Variants in PEX2 observed in about 807,000 individuals in gnomAD.
PEX2 encodes the protein peroxisome biogenesis factor 2.
PEX2 carries 19 observed loss-of-function variants against 25.2 expected under a neutral mutation model. That is an observed-to-expected ratio of 0.75 (90% CI 0.53 to 1.10). The LOEUF (loss-of-function observed/expected upper bound fraction) is 1.10. PEX2 is among the 50% of genes least tolerant of loss of function. The pLI, the probability that PEX2 is intolerant of heterozygous loss-of-function variation, is 0.00. For missense variants in PEX2, 347 were observed against 350.6 expected, an observed-to-expected ratio of 0.99 and a Z score of 0.08; for synonymous variants, 141 against 127.7, an observed-to-expected ratio of 1.10 and a Z score of -0.70.
intron 2 of PEX2, among the ~76,000 whole-genome samples, chr8:76,987,657 T>C (rs1416410423): frequency 6.6e-6 from 1 of 152,108 alleles, no homozygotes; most frequent in Non-Finnish European, 1.5e-5. Context: ...GTTGTTAAAA[T>C]GATCTAGTGA....
In PEX2 at chr8:76,980,898, A is replaced by C. The variant is rs1483662390; in HGVS notation, c.*2363T>G. ...GATGTGGCACATTGCCCTAGGTTAT[A>C]CACAAGTGGGATTTGAATTCTAGCG... On this transcript the variant is annotated 3_prime_UTR_variant, in exon 4 of 4. Coordinates refer to ENST00000357039, the MANE Select transcript of PEX2 (RefSeq NM_000318.3). The C allele has an allele frequency of 1.3e-5, 2 of 152,210 alleles. No homozygotes were observed. Among genetic ancestry groups the C allele is most frequent in the Non-Finnish European group, 2.9e-5 (2 of 68,046 alleles). The allele number at this position is 152,210 out of a possible 1,614,324, so 9.4% of individuals were successfully genotyped here.
chr8:76,983,050 G>C lies in PEX2; in HGVS notation c.*211C>G. The C allele has an allele frequency of 3.8e-6, 5 of 1,320,722 alleles. No homozygotes were observed. The highest frequency in any genetic ancestry group is 5.0e-6 in the Non-Finnish European group (5 of 1,007,950). The allele number at this position is 1,320,722 out of a possible 1,614,324, so 81.8% of individuals were successfully genotyped here. A position where few individuals can be genotyped will look rare whatever the true frequency, so the allele number is the denominator to read the frequency against. On this transcript the variant is annotated 3_prime_UTR_variant, in exon 4 of 4. Coordinates refer to ENST00000357039, the MANE Select transcript of PEX2 (RefSeq NM_000318.3). ...CTTGACATTAAAAATTGAATGCAAT[G>C]ATTTAAAAAACATAATACATTAACA...
At chr8:76,996,703 T>A (rs908491012) in intron 1 of PEX2, among the ~76,000 whole-genome samples, 1 of 152,000 alleles carries the variant, frequency 6.6e-6, no homozygotes, top group Non-Finnish European at 1.5e-5. Context: ...CACGGAAATA[T>A]CCCCAAAGGA....
chr8:76,985,161 A>T (rs1806967512), intron 3 of PEX2, among the ~76,000 whole-genome samples: 3 of 108,852 alleles, frequency 2.8e-5, no homozygotes, highest in African/African-American at 1.1e-4. Flanking sequence ...ATTAACTGGC[A>T]AATCCACCCA....
At chr8:76,999,758 GTGTT>G (rs1478558193) in intron 1 of PEX2, 1 of 449,348 alleles carries the variant, frequency 2.2e-6, no homozygotes, top group East Asian at 7.0e-5. Flanking sequence ...AGCTGTGTGT[GTGTT>G]TATTTTTAAT....
rs1294787664 is a variant in PEX2, at chr8:76,980,701, C to T, written c.*2560G>A. On this transcript the variant is annotated 3_prime_UTR_variant, in exon 4 of 4. Coordinates refer to ENST00000357039, the MANE Select transcript of PEX2 (RefSeq NM_000318.3). ...ATCAGAAAGCTAGCAGATTATAAGC[C>T]TTGAGCTTCTAGCGGCCATCATTCT... The T allele has an allele frequency of 6.6e-6, 1 of 152,164 alleles. No individual in the cohort carries two copies. The highest frequency in any genetic ancestry group is 2.4e-5 in the African/African-American group (1 of 41,448). The allele number at this position is 152,164 out of a possible 1,614,324, so 9.4% of individuals were successfully genotyped here. A position where few individuals can be genotyped will look rare whatever the true frequency, so the allele number is the denominator to read the frequency against.
rs1806787148 is a variant in PEX2, at chr8:76,980,543, AG to A, written c.*2717del. 1 of 152,256 alleles carries A rather than the reference AG, an allele frequency of 6.6e-6. No individual in the cohort carries two copies. The highest frequency in any genetic ancestry group is 6.5e-5 in the Admixed American group (1 of 15,288). The allele number at this position is 152,256 out of a possible 1,614,324, so 9.4% of individuals were successfully genotyped here. ...GAGCATCACCTACATTTAAGTAACC[AG>A]GAACAGTATTTTCCATCCCCTAGCT... On this transcript the variant is annotated 3_prime_UTR_variant, in exon 4 of 4. Coordinates refer to ENST00000357039, the MANE Select transcript of PEX2 (RefSeq NM_000318.3).
Position 76,982,022 on chromosome 8 carries a change from T to G in PEX2, c.*1239A>C, listed in dbSNP as rs1806845172. The G allele has an allele frequency of 6.6e-6, 1 of 152,202 alleles. No individual in the cohort carries two copies. Among genetic ancestry groups the G allele is most frequent in the African/African-American group, 2.4e-5 (1 of 41,446 alleles). 9.4% of individuals were successfully genotyped at this position (152,202 alleles called of 1,614,324 possible). A position where few individuals can be genotyped will look rare whatever the true frequency, so the allele number is the denominator to read the frequency against. On this transcript the variant is annotated 3_prime_UTR_variant, in exon 4 of 4. Transcript: ENST00000357039. ...TCAGTACCTGGCACCTGAGTACTTGTTCAATGAAAGGTGAAGAGAAAAATG... is the reference window on the plus strand; with the variant it reads ...TCAGTACCTGGCACCTGAGTACTTGGTCAATGAAAGGTGAAGAGAAAAATG...
chr8:76,986,820 A>G (rs1048389236), intron 2 of PEX2, among the ~76,000 whole-genome samples: 2 of 152,162 alleles, frequency 1.3e-5, no homozygotes, highest in African/African-American at 4.8e-5. Context: ...ACTGTACATA[A>G]ACTACTTTTA....
intron 1 of PEX2, among the ~76,000 whole-genome samples, chr8:76,988,786 T>C (rs554733825): frequency 1.3e-5 from 2 of 152,294 alleles, no homozygotes; most frequent in South Asian, 2.1e-4. Context: ...GCCATTGCTT[T>C]ATCAATTAAG....
Position 76,983,407 on chromosome 8 carries a change from C to A in PEX2, c.772G>T (p.Gly258Ter). ...GEWPTMPHTIGCEHIFCYFCA... is the reference protein window; with the variant it reads ...GEWPTMPHTI ...AAATAACAGAAAATATGCTCACATC[C>A]TATGGTGTGAGGCATGGTGGGCCAC... The change falls in exon 4 of 4, where the codon GGA becomes TGA. Residue 258 changes from glycine to a stop codon, truncating the protein, a stop_gained. Coordinates refer to ENST00000357039, the MANE Select transcript of PEX2 (RefSeq NM_000318.3). LOFTEE classifies it high-confidence loss of function. The A allele has an allele frequency of 6.2e-7, 1 of 1,613,802 alleles. No homozygotes were observed. Among genetic ancestry groups the A allele is most frequent in the South Asian group, 1.1e-5 (1 of 91,072 alleles).
chr8:76,994,339 T>C (rs191726164), intron 1 of PEX2, among the ~76,000 whole-genome samples: 2 of 152,182 alleles, frequency 1.3e-5, no homozygotes, highest in South Asian at 2.1e-4. Flanking sequence ...TTGAGTATAG[T>C]ACAAATTATG....
chr8:76,983,967 G>C lies in PEX2; in HGVS notation c.212C>G (p.Ser71Cys), dbSNP rs1250087553. Residue 71 changes from serine (S) to cysteine (C), a missense_variant, in exon 4 of 4, where the codon TCC (serine) becomes TGC (cysteine). Transcript: ENST00000357039. ...TGACTGTCCCACTGTGGCATTTTTG[G>C]AGTAGATGGTGAATCTCCACAAGAA... ...WVFLWRFTIYSKNATVGQSVL... is the reference protein window; with the variant it reads ...WVFLWRFTIYCKNATVGQSVL... The C allele has an allele frequency of 6.2e-7, 1 of 1,614,034 alleles. No individual in the cohort carries two copies. Among genetic ancestry groups the C allele is most frequent in the South Asian group, 1.1e-5 (1 of 91,080 alleles).
intron 3 of PEX2, among the ~76,000 whole-genome samples, chr8:76,985,124 T>C (rs777173440): frequency 1.9e-4 from 29 of 149,606 alleles, no homozygotes; most frequent in Non-Finnish European, 3.5e-4. Flanking sequence ...ATCCAGTATA[T>C]AGACCAGTTC....
At chr8:77,000,486 C>T (rs955984524), upstream of PEX2, among the ~76,000 whole-genome samples, 3 of 152,164 alleles carry the variant, frequency 2.0e-5, no homozygotes, top group Non-Finnish European at 4.4e-5. Flanking sequence ...GACGCCTCCG[C>T]GCCTCCGGGG....
At chr8:76,993,295 A>T (rs1217808105) in intron 1 of PEX2, among the ~76,000 whole-genome samples, 2 of 152,228 alleles carry the variant, frequency 1.3e-5, no homozygotes, top group Non-Finnish European at 1.5e-5. Flanking sequence ...AACTGAAGAA[A>T]AGAAAAACTG....
At chr8:76,992,549 C>A (rs1041704447) in intron 1 of PEX2, among the ~76,000 whole-genome samples, 4 of 152,080 alleles carry the variant, frequency 2.6e-5, no homozygotes, top group African/African-American at 9.7e-5. Flanking sequence ...TTCAATTAAC[C>A]CAATTATGGA....
At chr8:76,985,956 A>C (rs1307967996) in intron 3 of PEX2, among the ~76,000 whole-genome samples, 1 of 152,186 alleles carries the variant, frequency 6.6e-6, no homozygotes, top group Admixed American at 6.5e-5. Context: ...ACTTCTTGAA[A>C]TTGGGAGTAT....
chr8:76,987,438 G>C lies in PEX2; in HGVS notation c.-128+869C>G, dbSNP rs561213430. Among the ~76,000 whole-genome samples the C allele has an allele frequency of 7.9e-5, 12 of 152,234 alleles. No individual in the cohort carries two copies. The East Asian group carries it at 1.7e-3, about 22-fold the overall frequency. ...GACTAGAGGTGCACAGATGAGATAA[G>C]GCTGGAAAGAAGCAGGAGACAGGTC... On this transcript the variant is annotated intron_variant, in intron 2 of 3. Coordinates refer to ENST00000357039, the MANE Select transcript of PEX2 (RefSeq NM_000318.3).
Sources: gnomAD v4.1 joint callset for allele counts (sites outside exome capture counted in the v4.1 genomes callset) on GRCh38, gnomAD v4.1.1 for gene constraint, MANE v1.5 for transcripts, NCBI Gene and HGNC (gene_info 2026-07-23, HGNC 2026-07-21) for gene names.